SPMAP2L: variants seen among roughly 807,000 people sequenced by gnomAD.
The protein encoded by SPMAP2L is sperm microtubule associated protein 2 like, also known as sperm microtubule associated protein 2-like.
the SPMAP2L span, among the ~76,000 whole-genome samples, chr4:56,616,569 C>A: frequency 6.6e-6 from 1 of 152,004 alleles, no homozygotes. Context: ...TTTTATATGT[C>A]CCTTTAATAT....
the SPMAP2L span, among the ~76,000 whole-genome samples, chr4:56,544,539 G>A: frequency 6.6e-6 from 1 of 152,290 alleles, no homozygotes; most frequent in Admixed American, 6.5e-5. Flanking sequence ...AAAAAATAGG[G>A]TTCTATTTGG....
At chr4:56,571,558 C>A in the SPMAP2L span, among the ~76,000 whole-genome samples, 1 of 152,110 alleles carries the variant, frequency 6.6e-6, no homozygotes, top group Non-Finnish European at 1.5e-5. Flanking sequence ...CTGAAGCAAT[C>A]TGCCTGCCTG....
At chr4:56,594,158 A>G in the SPMAP2L span, 1 of 1,612,502 alleles carries the variant, frequency 6.2e-7, no homozygotes, top group South Asian at 1.1e-5. Flanking sequence ...TGCTGAAAGC[A>G]TGGGAGAGGA....
the SPMAP2L span, among the ~76,000 whole-genome samples, chr4:56,553,012 A>C: frequency 6.6e-6 from 1 of 151,990 alleles, no homozygotes; most frequent in Admixed American, 6.6e-5. Context: ...TGTATCTCTA[A>C]GGCTCCTATC....
At chr4:56,544,782 G>A in the SPMAP2L span, among the ~76,000 whole-genome samples, 135 of 152,294 alleles carry the variant, frequency 8.9e-4, 1 homozygote, top group African/African-American at 3.2e-3. Context: ...GCCCGAGGGC[G>A]GGAGGGAGAC....
chr4:56,580,327 A>G, the SPMAP2L span, among the ~76,000 whole-genome samples: 3 of 152,186 alleles, frequency 2.0e-5, no homozygotes, highest in Non-Finnish European at 2.9e-5. Context: ...GCAAAATACA[A>G]AAATCAAAGC....
At chr4:56,568,730 G>A in the SPMAP2L span, among the ~76,000 whole-genome samples, 2 of 152,190 alleles carry the variant, frequency 1.3e-5, no homozygotes, top group East Asian at 3.8e-4. Flanking sequence ...TCACAGGACT[G>A]TGTAACTATC....
chr4:56,544,725 G>A, the SPMAP2L span, among the ~76,000 whole-genome samples: 1 of 152,194 alleles, frequency 6.6e-6, no homozygotes, highest in East Asian at 1.9e-4. Context: ...TGGTGGCCTG[G>A]TTGCCGGCCG....
the SPMAP2L span, among the ~76,000 whole-genome samples, chr4:56,553,511 A>T: frequency 0.012 from 1,684 of 137,916 alleles, 20 homozygotes; most frequent in Non-Finnish European, 0.02. Flanking sequence ...TTTTTTTTTT[A>T]AACAAAATTA....
chr4:56,596,416 A>G, the SPMAP2L span: 1 of 1,361,924 alleles, frequency 7.3e-7, no homozygotes, highest in Non-Finnish European at 9.5e-7. Context: ...TCTGGCCCAG[A>G]GGTCAAATCA....
At chr4:56,558,437 A>T in the SPMAP2L span, among the ~76,000 whole-genome samples, 5 of 152,198 alleles carry the variant, frequency 3.3e-5, no homozygotes, top group African/African-American at 1.2e-4. Context: ...TTATTTTATT[A>T]AAAAAATATT....
At chr4:56,552,558 T>C in the SPMAP2L span, 4 of 1,519,098 alleles carry the variant, frequency 2.6e-6, no homozygotes, top group African/African-American at 5.5e-5. Context: ...GTTTTTCTTC[T>C]AGGAAGAGAA....
At chr4:56,578,226 C>T in the SPMAP2L span, among the ~76,000 whole-genome samples, 48 of 151,662 alleles carry the variant, frequency 3.2e-4, no homozygotes, top group East Asian at 5.2e-3. Context: ...TACAAAGGAG[C>T]GGGAGGGGAT....
At chr4:56,591,404 A>T in the SPMAP2L span, among the ~76,000 whole-genome samples, 7 of 152,350 alleles carry the variant, frequency 4.6e-5, no homozygotes, top group South Asian at 1.2e-3. Flanking sequence ...TCTTTATAGC[A>T]ATGCAAGGAT....
the SPMAP2L span, among the ~76,000 whole-genome samples, chr4:56,589,352 G>C: frequency 6.6e-6 from 1 of 152,162 alleles, no homozygotes; most frequent in African/African-American, 2.4e-5. Context: ...AGTATAGTTT[G>C]AAATCAGGTA....
chr4:56,533,756 G>A, the SPMAP2L span, among the ~76,000 whole-genome samples: 2 of 147,932 alleles, frequency 1.4e-5, no homozygotes, highest in Admixed American at 1.4e-4. Flanking sequence ...AAATCAGCCT[G>A]AGCAACATAG....
the SPMAP2L span, among the ~76,000 whole-genome samples, chr4:56,613,281 G>A: frequency 6.6e-6 from 1 of 152,120 alleles, no homozygotes; most frequent in Non-Finnish European, 1.5e-5. Context: ...CCAGCTGCAT[G>A]CGTCTGCCTG....
the SPMAP2L span, among the ~76,000 whole-genome samples, chr4:56,619,040 T>C: frequency 7.9e-5 from 12 of 152,192 alleles, no homozygotes; most frequent in Admixed American, 7.9e-4. Context: ...TTTCCCCTGG[T>C]CCTACAAGCC....
At chr4:56,588,974 T>C in the SPMAP2L span, among the ~76,000 whole-genome samples, 37 of 152,218 alleles carry the variant, frequency 2.4e-4, no homozygotes, top group Admixed American at 1.2e-3. Context: ...TTCTTTTCCA[T>C]TGGTCTCTGT....
Sources: gnomAD v4.1 joint callset for allele counts (sites outside exome capture counted in the v4.1 genomes callset) on GRCh38, gnomAD v4.1.1 for gene constraint, MANE v1.5 for transcripts, NCBI Gene and HGNC (gene_info 2026-07-23, HGNC 2026-07-21) for gene names.